The following KHDRBS2 variants were observed in gnomAD, a reference collection of about 807,000 sequenced individuals.
KHDRBS2 encodes the protein KH domain-containing, RNA-binding, signal transduction-associated protein 2.
A neutral mutation model predicts 44.3 loss-of-function variants in KHDRBS2; 26 were observed. The ratio of observed to expected loss-of-function variants is 0.59; its 90% CI spans 0.43 to 0.81. KHDRBS2 has a LOEUF of 0.81. Among genes scored for constraint, KHDRBS2 ranks in the 40% least tolerant of loss-of-function variants. The pLI, the probability that KHDRBS2 is intolerant of heterozygous loss-of-function variation, is 0.00. For synonymous variants in KHDRBS2, 194 were observed against 151.1 expected, an observed-to-expected ratio of 1.28 and a Z score of -2.08; for missense variants, 476 against 433.1, an observed-to-expected ratio of 1.10 and a Z score of -0.88.
the KHDRBS2 span, among the ~76,000 whole-genome samples, chr6:61,544,822 T>A: frequency 6.6e-6 from 1 of 151,898 alleles, no homozygotes; most frequent in Non-Finnish European, 1.5e-5. Context: ...CAGCAAACTA[T>A]CACAAGGACA....
intron 3 of KHDRBS2, among the ~76,000 whole-genome samples, chr6:62,012,815 C>T (rs368640715): frequency 5.9e-5 from 9 of 152,310 alleles, no homozygotes; most frequent in Admixed American, 2.0e-4. Flanking sequence ...ATTTTAGTAA[C>T]ATACATAGCA....
intron 6 of KHDRBS2, among the ~76,000 whole-genome samples, chr6:61,736,832 C>T (rs1413125270): frequency 6.6e-6 from 1 of 151,984 alleles, no homozygotes; most frequent in Non-Finnish European, 1.5e-5. Flanking sequence ...CCCCGAATTC[C>T]AATAGCATGT....
chr6:61,734,485 GTTA>G (rs1410282103), intron 6 of KHDRBS2, among the ~76,000 whole-genome samples: 3 of 151,874 alleles, frequency 2.0e-5, no homozygotes, highest in Non-Finnish European at 4.4e-5. Flanking sequence ...ATATAGCTAA[GTTA>G]TTGTTGTTGG....
At chr6:61,962,060 T>G (rs1473808601) in intron 4 of KHDRBS2, among the ~76,000 whole-genome samples, 1 of 152,076 alleles carries the variant, frequency 6.6e-6, no homozygotes. Context: ...AATGCATGAA[T>G]GAATTGATGC....
chr6:62,069,207 C>T (rs1256692696), intron 2 of KHDRBS2, among the ~76,000 whole-genome samples: 1 of 151,572 alleles, frequency 6.6e-6, no homozygotes, highest in Non-Finnish European at 1.5e-5. Context: ...TTACCAATAA[C>T]TAGACAGTTG....
At chr6:61,876,275 T>C (rs953125131) in intron 6 of KHDRBS2, among the ~76,000 whole-genome samples, 1 of 152,018 alleles carries the variant, frequency 6.6e-6, no homozygotes, top group African/African-American at 2.4e-5. Flanking sequence ...AAATACATTT[T>C]TAAAGGATGC....
intron 2 of KHDRBS2, among the ~76,000 whole-genome samples, chr6:62,116,145 T>G (rs1420326085): frequency 6.6e-6 from 1 of 152,128 alleles, no homozygotes; most frequent in Admixed American, 6.6e-5. Flanking sequence ...ACTGGAAGGA[T>G]TAAATCAAGC....
chr6:61,581,543 C>T, the KHDRBS2 span, among the ~76,000 whole-genome samples: 2 of 146,604 alleles, frequency 1.4e-5, no homozygotes, highest in South Asian at 2.1e-4. Context: ...ATATAATATA[C>T]AATATACAAT....
chr6:61,977,811 A>T (rs1772996194), intron 4 of KHDRBS2, among the ~76,000 whole-genome samples: 1 of 152,124 alleles, frequency 6.6e-6, no homozygotes, highest in Admixed American at 6.6e-5. Flanking sequence ...CTTTTTCTTC[A>T]TGACTATGAA....
At chr6:62,122,242 C>T (rs1457611390) in intron 2 of KHDRBS2, among the ~76,000 whole-genome samples, 1 of 152,134 alleles carries the variant, frequency 6.6e-6, no homozygotes, top group Non-Finnish European at 1.5e-5. Flanking sequence ...AGATGAATTA[C>T]AGCAAAGGTC....
the KHDRBS2 span, among the ~76,000 whole-genome samples, chr6:61,662,990 G>T: frequency 6.6e-6 from 1 of 151,842 alleles, no homozygotes; most frequent in Non-Finnish European, 1.5e-5. Context: ...GCAAAGACTT[G>T]GAACCAACCT....
chr6:61,606,090 C>T, the KHDRBS2 span, among the ~76,000 whole-genome samples: 1 of 152,162 alleles, frequency 6.6e-6, no homozygotes, highest in Non-Finnish European at 1.5e-5. Flanking sequence ...CCCTGCCAGC[C>T]AGAGAACAAC....
At chr6:61,943,787 T>C (rs1294964216) in intron 4 of KHDRBS2, among the ~76,000 whole-genome samples, 1 of 152,072 alleles carries the variant, frequency 6.6e-6, no homozygotes, top group Non-Finnish European at 1.5e-5. Context: ...ATGCAAGGAA[T>C]GCAAACAACT....
At chr6:61,572,267 A>T in the KHDRBS2 span, among the ~76,000 whole-genome samples, 2 of 152,160 alleles carry the variant, frequency 1.3e-5, no homozygotes, top group Non-Finnish European at 1.5e-5. Context: ...AGATTAAATA[A>T]GGAAGAAATA....
At chr6:61,876,548 C>G (rs997174161) in intron 6 of KHDRBS2, among the ~76,000 whole-genome samples, 1 of 152,012 alleles carries the variant, frequency 6.6e-6, no homozygotes, top group African/African-American at 2.4e-5. Context: ...TAGCAAGACA[C>G]TCATCTGCCT....
the KHDRBS2 span, among the ~76,000 whole-genome samples, chr6:61,662,720 G>C: frequency 1.3e-5 from 2 of 151,936 alleles, no homozygotes; most frequent in African/African-American, 4.8e-5. Flanking sequence ...ACACCAGTTA[G>C]AATGGCGATC....
intron 8 of KHDRBS2, among the ~76,000 whole-genome samples, chr6:61,690,333 C>A (rs1209219370): frequency 6.6e-6 from 1 of 151,770 alleles, no homozygotes; most frequent in Non-Finnish European, 1.5e-5. Context: ...ATTGAATATC[C>A]TTTCTTGTAC....
At chr6:62,240,633 CAT>C (rs1291712958) in intron 1 of KHDRBS2, among the ~76,000 whole-genome samples, 34 of 132,142 alleles carry the variant, frequency 2.6e-4, no homozygotes, top group South Asian at 9.9e-4. Context: ...TATGTACACA[CAT>C]ATATGTGTGT....
chr6:62,084,321 T>G (rs1798003317), intron 2 of KHDRBS2, among the ~76,000 whole-genome samples: 1 of 152,210 alleles, frequency 6.6e-6, no homozygotes, highest in Non-Finnish European at 1.5e-5. Context: ...GCCAAATAAA[T>G]TTTTAAAGAT....
Sources: allele counts gnomAD v4.1 joint callset (sites outside exome capture counted in the v4.1 genomes callset), GRCh38; gene constraint gnomAD v4.1.1; transcripts MANE v1.5; gene names NCBI Gene and HGNC (gene_info 2026-07-23, HGNC 2026-07-21).